B3GALT1: variants seen among roughly 807,000 people sequenced by gnomAD.
B3GALT1 encodes the protein UDP-Gal:betaGlcNAc beta 1,3-galactosyltransferase, polypeptide 1.
A neutral mutation model predicts 23.2 loss-of-function variants in B3GALT1; 10 were observed. The observed-to-expected ratio is 0.43, with a 90% CI of 0.27 to 0.73. The LOEUF (loss-of-function observed/expected upper bound fraction) is 0.73. B3GALT1 is among the 30% of genes least tolerant of loss of function. B3GALT1 has a pLI of 0.21. For synonymous variants in B3GALT1, 156 were observed against 141.5 expected (o/e 1.10, Z -0.73); for missense variants, 299 against 405.4 (o/e 0.74, Z 2.25).
At chr2:167,483,326 T>C (rs183334232) in intron 1 of B3GALT1, among the ~76,000 whole-genome samples, 425 of 152,172 alleles carry the variant, frequency 2.8e-3, no homozygotes, top group South Asian at 0.02. Context: ...CAAAAACTTC[T>C]TGAGGCCAAA....
At chr2:167,706,851 G>A (rs899521159) in intron 3 of B3GALT1, among the ~76,000 whole-genome samples, 7 of 152,182 alleles carry the variant, frequency 4.6e-5, no homozygotes, top group Non-Finnish European at 8.8e-5. Context: ...TCCTTACCAA[G>A]GGATAAATCT....
intron 3 of B3GALT1, among the ~76,000 whole-genome samples, chr2:167,815,813 G>A (rs1688983154): frequency 6.6e-6 from 1 of 152,146 alleles, no homozygotes; most frequent in African/African-American, 2.4e-5. Flanking sequence ...TAAAATGTGG[G>A]TGACAAATGT....
chr2:167,397,973 T>C (rs755147164), intron 1 of B3GALT1, among the ~76,000 whole-genome samples: 7 of 152,132 alleles, frequency 4.6e-5, no homozygotes, highest in Non-Finnish European at 7.4e-5. Flanking sequence ...ACTTGATTGG[T>C]AGAAAAGCAA....
intron 2 of B3GALT1, among the ~76,000 whole-genome samples, chr2:167,611,502 T>C (rs183223176): frequency 4.5e-4 from 69 of 152,114 alleles, no homozygotes; most frequent in African/African-American, 1.6e-3. Flanking sequence ...AAAAGTCCTT[T>C]TTGCATTAAA....
intron 1 of B3GALT1, among the ~76,000 whole-genome samples, chr2:167,450,396 G>A (rs940916560): frequency 1.3e-5 from 2 of 152,008 alleles, no homozygotes; most frequent in Admixed American, 1.3e-4. Context: ...TCTAATAGTA[G>A]CCTTGAATGA....
chr2:167,799,911 TTC>T (rs1283162187), intron 3 of B3GALT1, among the ~76,000 whole-genome samples: 1 of 151,662 alleles, frequency 6.6e-6, no homozygotes, highest in Non-Finnish European at 1.5e-5. Context: ...TTAACAAAAT[TTC>T]TGTCTGACTT....
At chr2:167,367,429 T>C (rs962122738) in intron 1 of B3GALT1, among the ~76,000 whole-genome samples, 3 of 152,226 alleles carry the variant, frequency 2.0e-5, no homozygotes, top group Admixed American at 6.5e-5. Context: ...CCCAGAATTC[T>C]CTACTGGATA....
At chr2:167,633,497 A>G (rs1406184984) in intron 2 of B3GALT1, among the ~76,000 whole-genome samples, 2 of 151,952 alleles carry the variant, frequency 1.3e-5, no homozygotes, top group Non-Finnish European at 1.5e-5. Context: ...AAAGAAAAAA[A>G]AAATAGCAAC....
chr2:167,305,320 A>G (rs1408507461), intron 1 of B3GALT1, among the ~76,000 whole-genome samples: 1 of 152,162 alleles, frequency 6.6e-6, no homozygotes, highest in African/African-American at 2.4e-5. Context: ...GAGCTTCCTC[A>G]TTCATTTTCT....
chr2:167,382,059 G>A (rs1697853994), intron 1 of B3GALT1, among the ~76,000 whole-genome samples: 1 of 152,110 alleles, frequency 6.6e-6, no homozygotes, highest in African/African-American at 2.4e-5. Flanking sequence ...TAAGTTATTG[G>A]GCTTAAATTG....
chr2:167,589,156 G>A (rs1243697336), intron 2 of B3GALT1, among the ~76,000 whole-genome samples: 1 of 152,042 alleles, frequency 6.6e-6, no homozygotes. Flanking sequence ...ATATTGCCCA[G>A]GTTGGTCTCA....
chr2:167,345,375 T>TA (rs1008073776), intron 1 of B3GALT1, among the ~76,000 whole-genome samples: 6 of 152,082 alleles, frequency 3.9e-5, no homozygotes, highest in African/African-American at 1.4e-4. Flanking sequence ...CTGACCACCC[T>TA]AAAAAAAGAT....
chr2:167,833,128 C>G (rs1298865338), intron 4 of B3GALT1, among the ~76,000 whole-genome samples: 2 of 152,188 alleles, frequency 1.3e-5, no homozygotes, highest in Non-Finnish European at 2.9e-5. Context: ...CAGAGATGAT[C>G]AACACCTTAG....
chr2:167,444,777 C>T (rs1239382564), intron 1 of B3GALT1, among the ~76,000 whole-genome samples: 1 of 152,082 alleles, frequency 6.6e-6, no homozygotes, highest in Non-Finnish European at 1.5e-5. Flanking sequence ...ATTAGTCTTG[C>T]TAGCGGTCTA....
intron 1 of B3GALT1, among the ~76,000 whole-genome samples, chr2:167,308,488 A>G (rs907069123): frequency 2.0e-5 from 3 of 151,992 alleles, no homozygotes; most frequent in Middle Eastern, 3.2e-3. Flanking sequence ...TTCCATTTCA[A>G]TATAAAATTG....
At chr2:167,418,934 C>T (rs1698508112) in intron 1 of B3GALT1, among the ~76,000 whole-genome samples, 1 of 152,136 alleles carries the variant, frequency 6.6e-6, no homozygotes, top group African/African-American at 2.4e-5. Context: ...CTGTTATTGC[C>T]TTTGATAAAT....
intron 4 of B3GALT1, among the ~76,000 whole-genome samples, chr2:167,837,977 A>G (rs1278979422): frequency 6.6e-6 from 1 of 152,070 alleles, no homozygotes; most frequent in African/African-American, 2.4e-5. Flanking sequence ...TTTGAAACCA[A>G]TGAGAACAAA....
intron 4 of B3GALT1, among the ~76,000 whole-genome samples, chr2:167,847,696 C>T (rs1187198144): frequency 1.3e-5 from 2 of 152,036 alleles, no homozygotes. Flanking sequence ...GAAACAAGAA[C>T]AAACCAAACC....
intron 1 of B3GALT1, among the ~76,000 whole-genome samples, chr2:167,330,581 G>C (rs1250745288): frequency 6.6e-6 from 1 of 152,192 alleles, no homozygotes; most frequent in Non-Finnish European, 1.5e-5. Flanking sequence ...CTGCACTCCA[G>C]TTTAAGCGAC....
Sources: allele counts gnomAD v4.1 joint callset (sites outside exome capture counted in the v4.1 genomes callset), GRCh38; gene constraint gnomAD v4.1.1; transcripts MANE v1.5; gene names NCBI Gene and HGNC (gene_info 2026-07-23, HGNC 2026-07-21).